Variants in NME7 observed in about 807,000 individuals in gnomAD.
The protein encoded by NME7 is nucleoside diphosphate kinase 7.
A neutral mutation model predicts 49.1 loss-of-function variants in NME7; 41 were observed. The observed-to-expected ratio is 0.83, with a 90% CI of 0.65 to 1.08. The LOEUF is 1.08. NME7 is among the 50% of genes least tolerant of loss of function. The pLI, the probability that NME7 is intolerant of heterozygous loss-of-function variation, is 0.00. For synonymous variants in NME7, 139 were observed against 150.6 expected, an observed-to-expected ratio of 0.92 and a Z score of 0.56; for missense variants, 423 against 463.4, an observed-to-expected ratio of 0.91 and a Z score of 0.80.
chr1:169,150,571 G>A (rs1557962854), intron 11 of NME7, among the ~76,000 whole-genome samples: 9 of 152,084 alleles, frequency 5.9e-5, no homozygotes. Context: ...GATTTTATTT[G>A]TTTTTAATAA....
chr1:169,164,431 C>T (rs1454532813), intron 11 of NME7, among the ~76,000 whole-genome samples: 1 of 152,132 alleles, frequency 6.6e-6, no homozygotes, highest in African/African-American at 2.4e-5. Context: ...ATAATAACTA[C>T]TATCATTTGT....
At chr1:169,298,914 A>G in intron 5 of NME7, 151 bp from the exon 6 acceptor site, 1 of 721,540 alleles carries the variant, frequency 1.4e-6, no homozygotes, top group Non-Finnish European at 2.2e-6. Flanking sequence ...TTACATGGGC[A>G]GGAGAAATTT....
At chr1:169,246,917 G>T (rs1388392556) in intron 7 of NME7, 1 of 422,640 alleles carries the variant, frequency 2.4e-6, no homozygotes, top group East Asian at 7.0e-5. Flanking sequence ...CTACAATATG[G>T]TGACTTTGTG....
Position 169,266,589 on chromosome 1 carries a change from G to A in NME7, c.754+20714C>T, listed in dbSNP as rs1649326457. Among the ~76,000 whole-genome samples the A allele has an allele frequency of 1.5e-5, 2 of 133,496 alleles. 1 individual carries two copies. Among genetic ancestry groups the A allele is most frequent in the African/African-American group, 5.1e-5 (2 of 39,406 alleles). The allele number at this position is 133,496 out of a possible 152,430, so 87.6% of individuals were successfully genotyped here. On this transcript the variant is annotated intron_variant, in intron 7 of 11. Coordinates refer to ENST00000367811, the MANE Select transcript of NME7 (RefSeq NM_013330.5). ...AAATCTATTGAACATAGTATTCGAA[G>A]TCCTGGCCAGAGCAATCAGGCAAGA...
chr1:169,357,348 A>C lies in NME7; in HGVS notation c.3+10360T>G, dbSNP rs112143811. ...TTGCAAGAACCCAAAAGTGGGCAGAAAGATGAGTTCAAGAGCCTCTGCTCT... is the reference window on the plus strand; with the variant it reads ...TTGCAAGAACCCAAAAGTGGGCAGACAGATGAGTTCAAGAGCCTCTGCTCT... On this transcript the variant is annotated intron_variant, in intron 1 of 11. Transcript: ENST00000367811. 5.5e-3 allele frequency among the ~76,000 whole-genome samples: 834 copies of C among 152,208 alleles called. 8 individuals are homozygous for C. The highest frequency in any genetic ancestry group is 0.019 in the African/African-American group (797 of 41,546).
chr1:169,172,601 C>T (rs1659639006), intron 10 of NME7, among the ~76,000 whole-genome samples: 1 of 152,038 alleles, frequency 6.6e-6, no homozygotes, highest in Admixed American at 6.6e-5. Context: ...ACCTAAATGC[C>T]AATACGATCA....
chr1:169,280,502 T>C (rs1440665663), intron 7 of NME7, among the ~76,000 whole-genome samples: 3 of 148,846 alleles, frequency 2.0e-5, no homozygotes, highest in Non-Finnish European at 4.4e-5. Context: ...TGCCATTGCT[T>C]TTGGTGTTTT....
At chr1:169,269,879 A>G (rs1649436376) in intron 7 of NME7, among the ~76,000 whole-genome samples, 1 of 134,140 alleles carries the variant, frequency 7.5e-6, no homozygotes, top group Non-Finnish European at 1.8e-5. Flanking sequence ...ATTTTTTACA[A>G]CCAAAACACA....
intron 10 of NME7, among the ~76,000 whole-genome samples, chr1:169,180,097 T>C (rs1410502433): frequency 3.3e-5 from 5 of 152,198 alleles, no homozygotes. Context: ...TTATTTGTCC[T>C]AGAGTAGCAA....
rs548933130 is a variant in NME7 at position 169,343,493 on chromosome 1, CT to C, written c.4-18994del. ...CCTATGCTATGCCATTACATTGTCT[CT>C]TTTTTTTTTTTTTTGAGATAGAGTT... On this transcript the variant is annotated intron_variant, in intron 1 of 11. Coordinates refer to ENST00000367811, the MANE Select transcript of NME7 (RefSeq NM_013330.5). 2.6e-3 allele frequency among the ~76,000 whole-genome samples: 370 copies of C among 140,282 alleles called. 1 individual carries two copies. Among genetic ancestry groups the C allele is most frequent in the Middle Eastern group, 7.3e-3 (2 of 274 alleles). 92.0% of individuals were successfully genotyped at this position (140,282 alleles called of 152,430 possible).
chr1:169,314,198 A>C (rs769619114), intron 3 of NME7, among the ~76,000 whole-genome samples: 7 of 152,072 alleles, frequency 4.6e-5, no homozygotes, highest in Admixed American at 6.5e-5. Flanking sequence ...CAAAAAGTGA[A>C]GAAACCTAAA....
At chr1:169,169,873 T>A (rs1368385041) in intron 10 of NME7, among the ~76,000 whole-genome samples, 1 of 152,232 alleles carries the variant, frequency 6.6e-6, no homozygotes, top group Non-Finnish European at 1.5e-5. Flanking sequence ...TTTGATGCTA[T>A]TGATTTCAAA....
At chr1:169,336,206 TCAG>T (rs1652465045) in intron 1 of NME7, among the ~76,000 whole-genome samples, 1 of 151,998 alleles carries the variant, frequency 6.6e-6, no homozygotes, top group South Asian at 2.1e-4. Context: ...CTCGCTGGGC[TCAG>T]GAGTGAAGCT....
Position 169,351,015 on chromosome 1 carries a change from C to G in NME7, c.3+16693G>C, listed in dbSNP as rs959457941. Among the ~76,000 whole-genome samples the G allele has an allele frequency of 2.0e-5, 3 of 151,240 alleles. 1 individual carries two copies. Among genetic ancestry groups the G allele is most frequent in the South Asian group, 4.2e-4 (2 of 4,786 alleles). On this transcript the variant is annotated intron_variant, in intron 1 of 11. Coordinates refer to ENST00000367811, the MANE Select transcript of NME7 (RefSeq NM_013330.5). ...TTTCTTTTTTCTTTTTCCCCTATTT[C>G]TTAACCTATAGTAAGAACCACAGTT...
intron 2 of NME7, among the ~76,000 whole-genome samples, chr1:169,324,136 T>A (rs1651962130): frequency 6.6e-6 from 1 of 152,026 alleles, no homozygotes; most frequent in South Asian, 2.1e-4. Context: ...ATTACAGGCA[T>A]GAGGCACCGC....
intron 10 of NME7, among the ~76,000 whole-genome samples, chr1:169,217,458 T>C (rs1661002647): frequency 6.6e-6 from 1 of 152,252 alleles, no homozygotes; most frequent in Non-Finnish European, 1.5e-5. Flanking sequence ...ATATTTTGGA[T>C]ATATTAAATT....
At chr1:169,243,207 GA>G (rs1431335156) in intron 7 of NME7, among the ~76,000 whole-genome samples, 2 of 151,924 alleles carry the variant, frequency 1.3e-5, no homozygotes, top group African/African-American at 4.8e-5. Context: ...CAATGGAACA[GA>G]ACAAAAAAAT....
intron 6 of NME7, among the ~76,000 whole-genome samples, chr1:169,287,672 A>G (rs1650331282): frequency 6.6e-6 from 1 of 152,204 alleles, no homozygotes; most frequent in Non-Finnish European, 1.5e-5. Flanking sequence ...AATATAGTGG[A>G]CAAAGATTTA....
intron 7 of NME7, among the ~76,000 whole-genome samples, chr1:169,266,311 A>G (rs1005784377): frequency 7.5e-6 from 1 of 134,066 alleles, no homozygotes. Context: ...AGTTCAACAT[A>G]CACAAATCAA....
Sources: gnomAD v4.1 joint callset for allele counts (sites outside exome capture counted in the v4.1 genomes callset) on GRCh38, gnomAD v4.1.1 for gene constraint, MANE v1.5 for transcripts, NCBI Gene and HGNC (gene_info 2026-07-23, HGNC 2026-07-21) for gene names.